The following ADGRV1 variants were observed in gnomAD, a reference collection of about 807,000 sequenced individuals.
ADGRV1 encodes G-protein coupled receptor 98.
In ADGRV1, 359 loss-of-function variants were observed where a neutral mutation model predicts 596.2. The ratio of observed to expected loss-of-function variants is 0.60; its 90% CI spans 0.55 to 0.66. ADGRV1 has a LOEUF of 0.66. Among genes scored for constraint, ADGRV1 ranks in the 30% least tolerant of loss-of-function variants. The pLI is 0.00. For synonymous variants in ADGRV1, 2,681 were observed against 2,679.2 expected, an observed-to-expected ratio of 1.00 and a Z score of -0.02; for missense variants, 7,274 against 7,575.6, an observed-to-expected ratio of 0.96 and a Z score of 1.48.
At chr5:91,051,839 T>A (rs1190874380) in intron 85 of ADGRV1, among the ~76,000 whole-genome samples, 1 of 152,098 alleles carries the variant, frequency 6.6e-6, no homozygotes, top group Non-Finnish European at 1.5e-5. Context: ...GGCATCCTTG[T>A]TTATGTAAGT....
At position 90,855,732 on chromosome 5, in the gene ADGRV1, T is replaced by C; in HGVS notation, c.17595-9T>C. 1 of 1,547,662 alleles carries C rather than the reference T, an allele frequency of 6.5e-7. No individual in the cohort carries two copies. The highest frequency in any genetic ancestry group is 1.4e-5 in the African/African-American group (1 of 72,714). On this transcript the variant is annotated splice_polypyrimidine_tract_variant and intron_variant, in intron 81 of 89. Transcript: ENST00000405460. ...AAGAGGAAAAATGACTATTGTGTTT[T>C]TGCCCTAGCTGGTTGTCTGACAGTC...
At chr5:90,693,224 G>GTACAGTCA (rs3045846) in intron 32 of ADGRV1, among the ~76,000 whole-genome samples, 104,065 of 150,840 alleles carry the variant, frequency 0.69, 36,248 homozygotes, top group East Asian at 0.81. Flanking sequence ...CTTGTGACAA[G>GTACAGTCA]TCCCTGGTAT....
intron 74 of ADGRV1, 109 bp from the exon 75 acceptor site, chr5:90,815,510 C>T (rs570612253): frequency 1.2e-5 from 7 of 596,234 alleles, no homozygotes; most frequent in Admixed American, 2.9e-5. Context: ...CTCCTCACCA[C>T]CTGTGAATTT....
chr5:90,747,060 G>A (rs1011947034), intron 52 of ADGRV1, among the ~76,000 whole-genome samples: 1 of 152,188 alleles, frequency 6.6e-6, no homozygotes. Flanking sequence ...GAGAATGCAA[G>A]GGAGGGAGTG....
chr5:91,040,406 A>G (rs1785242460), intron 85 of ADGRV1, among the ~76,000 whole-genome samples: 1 of 152,190 alleles, frequency 6.6e-6, no homozygotes, highest in Non-Finnish European at 1.5e-5. Flanking sequence ...TATATGCTTC[A>G]TGAGGACAGG....
At chr5:91,107,461 T>A (rs1323029876) in intron 87 of ADGRV1, among the ~76,000 whole-genome samples, 2 of 145,642 alleles carry the variant, frequency 1.4e-5, no homozygotes, top group Non-Finnish European at 3.1e-5. Flanking sequence ...GTTTTTGTTT[T>A]TCTCTGAGGC....
chr5:90,705,980 C>G (rs930598586), intron 37 of ADGRV1, among the ~76,000 whole-genome samples: 5 of 152,084 alleles, frequency 3.3e-5, no homozygotes, highest in African/African-American at 1.2e-4. Flanking sequence ...TCATTTTTAC[C>G]TTGTTCTATT....
intron 85 of ADGRV1, among the ~76,000 whole-genome samples, chr5:91,062,483 A>G (rs13180409): frequency 0.6 from 91,035 of 151,986 alleles, 27,808 homozygotes; most frequent in South Asian, 0.68. Flanking sequence ...TTTGAGTAGC[A>G]CAGGTCACTG....
In ADGRV1 at chr5:91,147,934, G is replaced by A. The variant is rs546930696; in HGVS notation, c.18433-2096G>A. 2.0e-5 allele frequency among the ~76,000 whole-genome samples: 3 copies of A among 152,312 alleles called. No individual in the cohort carries two copies. The South Asian group carries it at 6.2e-4, about 32-fold the overall frequency. On this transcript the variant is annotated intron_variant, in intron 87 of 89. Transcript: ENST00000405460. ...TGATGTGGACAATGAAATCCAGGCA[G>A]AAGTGGTCTCAGATAGAGACAAGGA...
Position 90,840,592 on chromosome 5 carries a change from T to G in ADGRV1, c.16626T>G (p.Ala5542=). ...TTAATTTCTAGGAGTTGAGGAGTGC[T>G]GAAACAATTGGTCGTACCATCATAT... ...VNFSTQELRS[A]ETIGRTIISP... Residue 5542 remains alanine, a synonymous_variant, in exon 78 of 90, where the codon GCT becomes GCG. Coordinates refer to ENST00000405460, the MANE Select transcript of ADGRV1 (RefSeq NM_032119.4). The G allele has an allele frequency of 1.2e-6, 2 of 1,604,508 alleles. No homozygotes were observed. The highest frequency in any genetic ancestry group is 1.7e-6 in the Non-Finnish European group (2 of 1,173,564).
chr5:90,860,179 AC>A (rs1253248698), intron 82 of ADGRV1, among the ~76,000 whole-genome samples: 1 of 152,102 alleles, frequency 6.6e-6, no homozygotes, highest in East Asian at 1.9e-4. Context: ...GTTAAGTTCA[AC>A]CACCCTGTTT....
chr5:91,134,518 C>A (rs937271319), intron 87 of ADGRV1, among the ~76,000 whole-genome samples: 4 of 152,170 alleles, frequency 2.6e-5, no homozygotes, highest in African/African-American at 9.7e-5. Flanking sequence ...TGTGCTCAGA[C>A]TTTGCTATTA....
At chr5:91,055,864 A>G (rs1226029338) in intron 85 of ADGRV1, among the ~76,000 whole-genome samples, 1 of 152,226 alleles carries the variant, frequency 6.6e-6, no homozygotes, top group Non-Finnish European at 1.5e-5. Context: ...AACTAAACAC[A>G]TCTTTATTAA....
At position 90,810,684 on chromosome 5, in the gene ADGRV1, G is replaced by A. The variant is rs1762357841; in HGVS notation, c.15424G>A (p.Val5142Met). ...GMDISFPETT[V>M]AVAVDTTLIP... ...GGATATTTCCTTCCCCGAGACAACT[G>A]TGGCTGTAGCAGTTGACACAACTCT... Residue 5142 changes from valine (V) to methionine (M), a missense_variant, in exon 74 of 90, where the codon GTG (valine) becomes ATG (methionine). Transcript: ENST00000405460. 2 of 1,613,824 alleles carry A rather than the reference G, an allele frequency of 1.2e-6. No individual in the cohort carries two copies. The highest frequency in any genetic ancestry group is 1.1e-5 in the South Asian group (1 of 91,066).
chr5:90,913,493 A>C (rs1773079150), intron 83 of ADGRV1, among the ~76,000 whole-genome samples: 1 of 152,218 alleles, frequency 6.6e-6, no homozygotes, highest in South Asian at 2.1e-4. Context: ...GTAGCATAAA[A>C]ATAGTTTTAG....
At chr5:90,906,431 ACTT>A (rs1478558324) in intron 83 of ADGRV1, among the ~76,000 whole-genome samples, 3 of 151,760 alleles carry the variant, frequency 2.0e-5, no homozygotes, top group Non-Finnish European at 4.4e-5. Flanking sequence ...CAGGTTTTGG[ACTT>A]CTTCTTGGTT....
At chr5:90,686,770 G>A (rs992185586) in intron 29 of ADGRV1, among the ~76,000 whole-genome samples, 29 of 152,158 alleles carry the variant, frequency 1.9e-4, no homozygotes, top group Non-Finnish European at 3.8e-4. Context: ...TCTAGTTCTA[G>A]ATCCCTGAGG....
At chr5:91,067,196 G>A (rs1282231890) in intron 85 of ADGRV1, among the ~76,000 whole-genome samples, 1 of 137,690 alleles carries the variant, frequency 7.3e-6, no homozygotes, top group Non-Finnish European at 1.6e-5. Context: ...CCAGGCTGGA[G>A]TGCAATGGCG....
rs534383550 is a variant in ADGRV1, at chr5:90,794,847, A to G, written c.14517+3501A>G. On this transcript the variant is annotated intron_variant, in intron 70 of 89. Transcript: ENST00000405460. ...CATGGAGGGCAAGCCGAAGCAGGGT[A>G]GGGTGACGCCTCACCTGGGAAGCAC... Among the ~76,000 whole-genome samples the G allele has an allele frequency of 3.3e-5, 5 of 152,184 alleles. No homozygotes were observed. In the South Asian group the frequency reaches 1.0e-3, roughly 32 times the overall value.
Sources: gnomAD v4.1 joint callset for allele counts (sites outside exome capture counted in the v4.1 genomes callset) on GRCh38, gnomAD v4.1.1 for gene constraint, MANE v1.5 for transcripts, NCBI Gene and HGNC (gene_info 2026-07-23, HGNC 2026-07-21) for gene names.